Variants in SCYL2 observed in about 807,000 individuals in gnomAD.
SCYL2 encodes the protein SCY1 like pseudokinase 2.
A neutral mutation model predicts 100.4 loss-of-function variants in SCYL2; 36 were observed. That is an observed-to-expected ratio of 0.36 (90% CI 0.27 to 0.47). The LOEUF (loss-of-function observed/expected upper bound fraction) is 0.47, where lower values mean the gene tolerates loss of function less well. Ranked by LOEUF, SCYL2 falls within the 20% of genes least tolerant of loss-of-function variation. SCYL2 has a pLI of 1.00. For missense variants in SCYL2, 902 were observed against 1,083.9 expected (o/e 0.83, Z 2.36); for synonymous variants, 330 against 359.2 (o/e 0.92, Z 0.92).
chr12:100,310,891 T>C (rs1477378496), intron 4 of SCYL2, among the ~76,000 whole-genome samples, 153 bp from the exon 5 acceptor site: 8 of 152,356 alleles, frequency 5.3e-5, no homozygotes, highest in African/African-American at 1.9e-4. Context: ...ACTACATCTG[T>C]GTATACTTTG....
intron 4 of SCYL2, among the ~76,000 whole-genome samples, chr12:100,301,481 T>C (rs1435129000): frequency 6.6e-6 from 1 of 152,262 alleles, no homozygotes; most frequent in African/African-American, 2.4e-5. Flanking sequence ...TTTCATTTGA[T>C]GTGCGCAAGG....
At chr12:100,294,133 A>ACTCACCTC (rs1475429965) in intron 3 of SCYL2, among the ~76,000 whole-genome samples, 22 of 144,958 alleles carry the variant, frequency 1.5e-4, no homozygotes, top group Middle Eastern at 3.7e-3. Context: ...CACCTCCCGG[A>ACTCACCTC]CGGGGCGGCT....
intron 2 of SCYL2, among the ~76,000 whole-genome samples, chr12:100,286,667 A>G (rs961321432): frequency 6.6e-6 from 1 of 152,116 alleles, no homozygotes; most frequent in Non-Finnish European, 1.5e-5. Flanking sequence ...CCACTCTACC[A>G]AACGTTGGGT....
At chr12:100,281,335 T>C (rs1156676966) in intron 1 of SCYL2, among the ~76,000 whole-genome samples, 1 of 152,126 alleles carries the variant, frequency 6.6e-6, no homozygotes, top group Non-Finnish European at 1.5e-5. Context: ...TAGGAAATAT[T>C]CTTAAATGAT....
chr12:100,341,485 G>A lies in SCYL2; in HGVS notation c.*2313G>A, dbSNP rs536134977. The A allele has an allele frequency of 9.9e-5, 15 of 152,130 alleles. No homozygotes were observed. The highest frequency in any genetic ancestry group is 2.1e-4 in the Non-Finnish European group (14 of 67,994). 9.4% of individuals were successfully genotyped at this position (152,130 alleles called of 1,614,324 possible). ...TTGCTAAATGTGTGATATATAGAGA[G>A]GATGTATAAAAGGAAATGGAAATAG... On this transcript the variant is annotated 3_prime_UTR_variant, in exon 18 of 18. Coordinates refer to ENST00000360820, the MANE Select transcript of SCYL2 (RefSeq NM_017988.6).
At chr12:100,333,040 T>C (rs1252920745) in intron 13 of SCYL2, among the ~76,000 whole-genome samples, 1 of 152,060 alleles carries the variant, frequency 6.6e-6, no homozygotes, top group East Asian at 1.9e-4. Flanking sequence ...ATCTGGCTAC[T>C]AGTTACATTG....
chr12:100,303,831 T>C (rs1392088686), intron 4 of SCYL2, among the ~76,000 whole-genome samples: 1 of 152,080 alleles, frequency 6.6e-6, no homozygotes, highest in Non-Finnish European at 1.5e-5. Flanking sequence ...TAGGGAGGAA[T>C]GTTTAAGTCT....
At position 100,335,955 on chromosome 12, in the gene SCYL2, C is replaced by T. The variant is rs757442354; in HGVS notation, c.2025+49C>T. On this transcript the variant is annotated intron_variant, in intron 16 of 17. Transcript: ENST00000360820. ...AGCCCTCTTATTTTATGCTGTAGGA[C>T]TTCCTGTAAACCACAGATTTTTGTT... The T allele has an allele frequency of 2.1e-5, 29 of 1,380,286 alleles. No individual in the cohort carries two copies. The South Asian group carries it at 2.3e-4, about 11-fold the overall frequency. 85.5% of individuals were successfully genotyped at this position (1,380,286 alleles called of 1,614,324 possible).
intron 1 of SCYL2, among the ~76,000 whole-genome samples, chr12:100,271,260 C>CAAAAAAA (rs11354103): frequency 1.8e-4 from 15 of 83,306 alleles, no homozygotes; most frequent in African/African-American, 5.2e-4. Context: ...TGCAGAGCAG[C>CAAAAAAA]AAAAAAAAAA....
intron 1 of SCYL2, among the ~76,000 whole-genome samples, chr12:100,273,512 A>G (rs912861986): frequency 6.6e-6 from 1 of 152,160 alleles, no homozygotes; most frequent in Admixed American, 6.5e-5. Flanking sequence ...TACATAGTGG[A>G]TACTCAGTAA....
At chr12:100,280,322 A>G (rs1213786574) in intron 1 of SCYL2, among the ~76,000 whole-genome samples, 1 of 152,250 alleles carries the variant, frequency 6.6e-6, no homozygotes, top group African/African-American at 2.4e-5. Flanking sequence ...TAACATTTTC[A>G]TAACTACAAA....
chr12:100,317,854 C>A lies in SCYL2; in HGVS notation c.1324C>A (p.Pro442Thr), dbSNP rs1236044182. 1.2e-6 allele frequency: 2 copies of A among 1,609,118 alleles called. No homozygotes were observed. The highest frequency in any genetic ancestry group is 1.7e-6 in the Non-Finnish European group (2 of 1,178,996). ...KMDLLLTKTP[P>T]DEIKNSVLPM... is the part of the protein sequence containing the mutation. ...GGATTTGCTACTAACCAAAACCCCTCCTGATGAGATAAAGAACAGTGTTCT... is the reference window on the plus strand; with the variant it reads ...GGATTTGCTACTAACCAAAACCCCTACTGATGAGATAAAGAACAGTGTTCT... Residue 442 changes from proline (P) to threonine (T), a missense_variant, in exon 10 of 18, where the codon CCT becomes ACT. Transcript: ENST00000360820.
intron 1 of SCYL2, among the ~76,000 whole-genome samples, chr12:100,278,925 G>A (rs1566342573): frequency 1.3e-5 from 2 of 152,120 alleles, no homozygotes; most frequent in Non-Finnish European, 2.9e-5. Context: ...ACCGCGCCTG[G>A]CCAGTCTGAG....
Position 100,267,464 on chromosome 12 carries a change from G to A in SCYL2, c.-357G>A, listed in dbSNP as rs59031776. On this transcript the variant is annotated 5_prime_UTR_variant, in exon 1 of 18. Coordinates refer to ENST00000360820, the MANE Select transcript of SCYL2 (RefSeq NM_017988.6). ...CGGCTCTCTCGCCTGGGCTCCCGGA[G>A]CCGGCGAGGAGGGAATGGAGGACTC... The A allele has an allele frequency of 5.1e-3, 858 of 169,518 alleles. 8 individuals are homozygous for A. Among genetic ancestry groups the A allele is most frequent in the African/African-American group, 0.019 (780 of 41,954 alleles). The allele number at this position is 169,518 out of a possible 1,614,324, so 10.5% of individuals were successfully genotyped here. A position where few individuals can be genotyped will look rare whatever the true frequency, so the allele number is the denominator to read the frequency against.
At chr12:100,281,164 G>A (rs2096297994) in intron 1 of SCYL2, among the ~76,000 whole-genome samples, 1 of 151,536 alleles carries the variant, frequency 6.6e-6, no homozygotes, top group South Asian at 2.1e-4. Context: ...AAGTAGCTGG[G>A]ACTACAGGCA....
At chr12:100,299,973 A>C (rs1327612952) in intron 4 of SCYL2, among the ~76,000 whole-genome samples, 1 of 152,210 alleles carries the variant, frequency 6.6e-6, no homozygotes, top group African/African-American at 2.4e-5. Flanking sequence ...TTACATTTCT[A>C]TCAGCAGCAT....
chr12:100,272,747 G>A (rs757054668), intron 1 of SCYL2, among the ~76,000 whole-genome samples: 1 of 151,748 alleles, frequency 6.6e-6, no homozygotes, highest in Non-Finnish European at 1.5e-5. Context: ...TTCTTCTCTT[G>A]GTTTTAACTT....
intron 13 of SCYL2, chr12:100,333,965 A>G (rs1952243175): frequency 2.3e-6 from 1 of 442,630 alleles, no homozygotes; most frequent in Non-Finnish European, 4.1e-6. Flanking sequence ...CTATCATATC[A>G]TCACCAAAGA....
chr12:100,326,512 T>A, intron 11 of SCYL2, 110 bp from the exon 12 acceptor site: 1 of 734,486 alleles, frequency 1.4e-6, no homozygotes. Flanking sequence ...AAATCTACAT[T>A]TATTCTTGAG....
Sources: allele counts gnomAD v4.1 joint callset (sites outside exome capture counted in the v4.1 genomes callset), GRCh38; gene constraint gnomAD v4.1.1; transcripts MANE v1.5; gene names NCBI Gene and HGNC (gene_info 2026-07-23, HGNC 2026-07-21).